RHOJ: variants seen among roughly 807,000 people sequenced by gnomAD.
RHOJ encodes ras homolog family member J, also known as rho-related GTP-binding protein RhoJ.
A neutral mutation model predicts 23.4 loss-of-function variants in RHOJ; 11 were observed. The ratio of observed to expected loss-of-function variants is 0.47; its 90% confidence interval spans 0.30 to 0.78. The LOEUF is 0.78. Among genes scored for constraint, RHOJ ranks in the 30% least tolerant of loss-of-function variants. The pLI is 0.08. For missense variants in RHOJ, 254 were observed against 273.4 expected (o/e 0.93, Z 0.50); for synonymous variants, 102 against 102.7 (o/e 0.99, Z 0.04).
At chr14:63,273,030 G>T (rs1348466806) in intron 2 of RHOJ, among the ~76,000 whole-genome samples, 1 of 152,124 alleles carries the variant, frequency 6.6e-6, no homozygotes, top group East Asian at 1.9e-4. Flanking sequence ...TCTCAAAAAA[G>T]AAAGAGAGTT....
intron 2 of RHOJ, among the ~76,000 whole-genome samples, chr14:63,279,359 T>C (rs1252822818): frequency 6.6e-6 from 1 of 152,270 alleles, no homozygotes; most frequent in African/African-American, 2.4e-5. Context: ...ATGGTGTGTA[T>C]GGACACATGT....
chr14:63,250,172 A>C (rs1895044194), intron 1 of RHOJ, among the ~76,000 whole-genome samples: 1 of 152,080 alleles, frequency 6.6e-6, no homozygotes, highest in African/African-American at 2.4e-5. Flanking sequence ...AAAATATAAA[A>C]GCTCTGCAGG....
intron 2 of RHOJ, among the ~76,000 whole-genome samples, chr14:63,278,740 T>C (rs1450443469): frequency 6.6e-6 from 1 of 152,072 alleles, no homozygotes; most frequent in Non-Finnish European, 1.5e-5. Flanking sequence ...CCTAGCACTT[T>C]GGCGGGGGCT....
At chr14:63,251,161 CTG>C (rs1469268905) in intron 1 of RHOJ, among the ~76,000 whole-genome samples, 1 of 152,214 alleles carries the variant, frequency 6.6e-6, no homozygotes. Context: ...TGTACAGTAT[CTG>C]GCTCCCCTTC....
At chr14:63,232,688 T>C (rs957470178) in intron 1 of RHOJ, among the ~76,000 whole-genome samples, 19 of 151,286 alleles carry the variant, frequency 1.3e-4, no homozygotes, top group Admixed American at 3.3e-4. Context: ...AGTCTTTTTT[T>C]CTTGCCTTTT....
At chr14:63,218,145 T>C (rs1894406685) in intron 1 of RHOJ, among the ~76,000 whole-genome samples, 1 of 152,174 alleles carries the variant, frequency 6.6e-6, no homozygotes, top group East Asian at 1.9e-4. Context: ...GTTAAGGCTT[T>C]CAAAAGACAG....
At chr14:63,222,452 G>T (rs867555139) in intron 1 of RHOJ, among the ~76,000 whole-genome samples, 1 of 152,176 alleles carries the variant, frequency 6.6e-6, no homozygotes, top group Admixed American at 6.5e-5. Flanking sequence ...CAGTGTAAAA[G>T]TGTTCCTATT....
chr14:63,269,038 C>A, intron 1 of RHOJ, 72 bp from the exon 2 acceptor site: 1 of 1,067,146 alleles, frequency 9.4e-7, no homozygotes, highest in Non-Finnish European at 1.4e-6. Flanking sequence ...GGCATGGAAA[C>A]AATGTGAAGG....
intron 1 of RHOJ, among the ~76,000 whole-genome samples, chr14:63,249,299 A>G (rs941498860): frequency 6.6e-6 from 1 of 152,236 alleles, no homozygotes; most frequent in Non-Finnish European, 1.5e-5. Flanking sequence ...TAACAAGTGC[A>G]TAGTCTTGGG....
chr14:63,242,584 AG>A (rs1894902536), intron 1 of RHOJ, among the ~76,000 whole-genome samples: 1 of 152,138 alleles, frequency 6.6e-6, no homozygotes, highest in Non-Finnish European at 1.5e-5. Flanking sequence ...AAAGGGGGCC[AG>A]GGGGTTTTGT....
At chr14:63,272,113 C>A (rs903842000) in intron 2 of RHOJ, among the ~76,000 whole-genome samples, 2 of 151,996 alleles carry the variant, frequency 1.3e-5, no homozygotes. Flanking sequence ...AGAAGCACTA[C>A]CTAAACGTTT....
Position 63,235,417 on chromosome 14 carries a change from G to A in RHOJ, c.178+30370G>A, listed in dbSNP as rs541974425. 2.0e-4 allele frequency among the ~76,000 whole-genome samples: 31 copies of A among 152,202 alleles called. No homozygotes were observed. In the South Asian group the frequency reaches 6.4e-3, roughly 32 times the overall value. On this transcript the variant is annotated intron_variant, in intron 1 of 4. Coordinates refer to ENST00000316754, the MANE Select transcript of RHOJ (RefSeq NM_020663.5). The stretch of plus-strand genomic sequence containing the variant: ...TGTTAATTTTCTTGGTTATGATAGT[G>A]CTACTGTGGTTATCTAAGAGAGTGC...
At chr14:63,242,995 C>T (rs1460062933) in intron 1 of RHOJ, among the ~76,000 whole-genome samples, 2 of 152,098 alleles carry the variant, frequency 1.3e-5, no homozygotes, top group African/African-American at 4.8e-5. Context: ...TACAAGGAAC[C>T]CACTGGATTC....
rs563549475 is a variant in RHOJ at position 63,280,316 on chromosome 14, G to T, written c.238-655G>T. Among the ~76,000 whole-genome samples the T allele has an allele frequency of 9.4e-4, 143 of 152,274 alleles. 1 individual carries two copies. Among genetic ancestry groups the T allele is most frequent in the African/African-American group, 2.8e-3 (118 of 41,560 alleles). ...TGGGATTACAGGCATGAGCCACTGT[G>T]CCTGGTCAGGTGAACTTTTGAATAC... On this transcript the variant is annotated intron_variant, in intron 2 of 4. Coordinates refer to ENST00000316754, the MANE Select transcript of RHOJ (RefSeq NM_020663.5).
intron 2 of RHOJ, among the ~76,000 whole-genome samples, chr14:63,270,307 T>G (rs1264319795): frequency 6.6e-6 from 1 of 152,046 alleles, no homozygotes; most frequent in Non-Finnish European, 1.5e-5. Flanking sequence ...TGTAAATGTG[T>G]GTGGAACATC....
intron 1 of RHOJ, among the ~76,000 whole-genome samples, chr14:63,260,722 C>T (rs76121599): frequency 1.7e-3 from 261 of 152,234 alleles, no homozygotes; most frequent in African/African-American, 5.5e-3. Flanking sequence ...AAGGCTGCTC[C>T]GTAACTGTTA....
At chr14:63,259,891 A>T (rs1245764596) in intron 1 of RHOJ, among the ~76,000 whole-genome samples, 2 of 152,208 alleles carry the variant, frequency 1.3e-5, no homozygotes, top group Non-Finnish European at 2.9e-5. Context: ...AAAAACCACA[A>T]ATACATAAAA....
intron 1 of RHOJ, among the ~76,000 whole-genome samples, chr14:63,206,079 A>G (rs1894102741): frequency 1.3e-5 from 2 of 152,192 alleles, no homozygotes; most frequent in South Asian, 4.1e-4. Context: ...GGAAACCAGC[A>G]TGAGTGTCTG....
chr14:63,293,337 C>A lies in RHOJ; in HGVS notation c.*2313C>A, dbSNP rs1242152784. 1.3e-5 allele frequency: 2 copies of A among 152,204 alleles called. No individual in the cohort carries two copies. The highest frequency in any genetic ancestry group is 2.9e-5 in the Non-Finnish European group (2 of 68,052). The allele number at this position is 152,204 out of a possible 1,614,324, so 9.4% of individuals were successfully genotyped here. On this transcript the variant is annotated 3_prime_UTR_variant, in exon 5 of 5. Transcript: ENST00000316754. Reference sequence around the variant, plus strand: ...GTGTGTGCACTCAACAGGCAAATAGCTCCCGAGGTCACCACTTCCCTAATG... The same window carrying A: ...GTGTGTGCACTCAACAGGCAAATAGATCCCGAGGTCACCACTTCCCTAATG...
Sources: allele counts gnomAD v4.1 joint callset (sites outside exome capture counted in the v4.1 genomes callset), GRCh38; gene constraint gnomAD v4.1.1; transcripts MANE v1.5; gene names NCBI Gene and HGNC (gene_info 2026-07-23, HGNC 2026-07-21).